The following PLEKHA5 variants were observed in gnomAD, a reference collection of about 807,000 sequenced individuals.
The protein encoded by PLEKHA5 is pleckstrin homology domain containing A5, also known as pleckstrin homology domain-containing family A member 5.
Under a neutral mutation model 181.9 loss-of-function variants are expected in PLEKHA5, and 55 were observed. That is an observed-to-expected ratio of 0.30 (90% CI 0.24 to 0.38). The LOEUF (loss-of-function observed/expected upper bound fraction) is 0.38, where lower values mean the gene tolerates loss of function less well. Ranked by LOEUF, PLEKHA5 falls within the 10% of genes least tolerant of loss-of-function variation. PLEKHA5 has a pLI of 1.00. For synonymous variants in PLEKHA5, 535 were observed against 529.4 expected (o/e 1.01, Z -0.15); for missense variants, 1,432 against 1,549.5 (o/e 0.92, Z 1.27).
At position 19,290,970 on chromosome 12, in the gene PLEKHA5, C is replaced by G. The variant is rs1044058462; in HGVS notation, c.1983+174C>G. Among the ~76,000 whole-genome samples, 61 of 152,178 alleles carry G rather than the reference C, an allele frequency of 4.0e-4. 1 individual carries two copies. Among genetic ancestry groups the G allele is most frequent in the Admixed American group, 3.9e-3 (60 of 15,278 alleles). On this transcript the variant is annotated intron_variant, in intron 14 of 31. Transcript: ENST00000429027. ...GAGAATTCAACTTATTTATACATTA[C>G]TGAAAGAAAATACAGGTAGGGTGCA...
At chr12:19,214,046 A>G (rs2057472720) in intron 3 of PLEKHA5, among the ~76,000 whole-genome samples, 2 of 152,230 alleles carry the variant, frequency 1.3e-5, no homozygotes, top group African/African-American at 2.4e-5. Context: ...ATTGTTATTG[A>G]ATGATAAGGT....
At position 19,322,615 on chromosome 12, in the gene PLEKHA5, A is replaced by C; in HGVS notation, c.2396A>C (p.Asp799Ala). Residue 799 changes from aspartate to alanine, a missense_variant, in exon 20 of 32, where the codon GAT (aspartate) becomes GCT (alanine). Transcript: ENST00000429027. ...CAGACAGTGGTGTTACAAAGGGATG[A>C]TTTACAAAATGGACTGCTTAGTACG... ...AIQTVVLQRD[D>A]LQNGLLSTCR... 6.2e-7 allele frequency: 1 copy of C among 1,613,950 alleles called. No homozygotes were observed. Among genetic ancestry groups the C allele is most frequent in the Non-Finnish European group, 8.5e-7 (1 of 1,179,854 alleles).
At position 19,319,937 on chromosome 12, in the gene PLEKHA5, T is replaced by A. The variant is rs532048214; in HGVS notation, c.2119-84T>A. On this transcript the variant is annotated intron_variant, in intron 16 of 31. Transcript: ENST00000429027. Reference sequence around the variant, plus strand: ...ATGAAATTTGACTATCCATAGTTTATAACATAGGCTTTCAGTTTTATAAGA... The same window carrying A: ...ATGAAATTTGACTATCCATAGTTTAAAACATAGGCTTTCAGTTTTATAAGA... The A allele has an allele frequency of 9.5e-5, 82 of 863,768 alleles. No individual in the cohort carries two copies. The South Asian group carries it at 1.2e-3, about 13-fold the overall frequency. The allele number at this position is 863,768 out of a possible 1,614,324, so 53.5% of individuals were successfully genotyped here. A position where few individuals can be genotyped will look rare whatever the true frequency, so the allele number is the denominator to read the frequency against.
chr12:19,246,461 A>G (rs1034554832), intron 3 of PLEKHA5, among the ~76,000 whole-genome samples: 1 of 151,726 alleles, frequency 6.6e-6, no homozygotes, highest in African/African-American at 2.4e-5. Flanking sequence ...CATCTCTACT[A>G]AAAATACAAA....
intron 25 of PLEKHA5, among the ~76,000 whole-genome samples, 163 bp downstream of exon 25, chr12:19,348,682 A>G (rs2153209623): frequency 6.6e-6 from 1 of 152,348 alleles, no homozygotes; most frequent in South Asian, 2.1e-4. Flanking sequence ...AAATTTTCAG[A>G]TATTAAAAGA....
chr12:19,340,495 T>G (rs1334481281), intron 21 of PLEKHA5, among the ~76,000 whole-genome samples: 2 of 142,334 alleles, frequency 1.4e-5, no homozygotes, highest in East Asian at 2.0e-4. Context: ...ACAATGGCGG[T>G]TTTGTGGAAT....
At chr12:19,356,832 T>A (rs938623099) in intron 26 of PLEKHA5, among the ~76,000 whole-genome samples, 2 of 151,968 alleles carry the variant, frequency 1.3e-5, no homozygotes, top group Admixed American at 1.3e-4. Flanking sequence ...AGCTAATTTC[T>A]GTATTTTTAG....
chr12:19,240,980 A>T (rs1176919076), intron 3 of PLEKHA5, among the ~76,000 whole-genome samples: 5 of 152,150 alleles, frequency 3.3e-5, no homozygotes, highest in East Asian at 3.9e-4. Context: ...TGGCTTTATA[A>T]GTGCTTTTTC....
rs765643587 is a variant in PLEKHA5, at chr12:19,274,669, T to C, written c.999T>C (p.Tyr333=). ...EEKKALEAEK[Y]GFQKDGQDRP... is the part of the protein sequence containing the mutation. ...AAAAGGCATTAGAAGCTGAAAAATATGGATTTCAGAAGGATGGTCAAGATA... is the reference window on the plus strand; with the variant it reads ...AAAAGGCATTAGAAGCTGAAAAATACGGATTTCAGAAGGATGGTCAAGATA... Residue 333 remains tyrosine (Y), a synonymous_variant, in exon 11 of 32, where the codon TAT becomes TAC. Coordinates refer to ENST00000429027, the MANE Select transcript of PLEKHA5 (RefSeq NM_001256470.2). 1.1e-5 allele frequency: 17 copies of C among 1,614,086 alleles called. No individual in the cohort carries two copies. The highest frequency in any genetic ancestry group is 2.2e-5 in the East Asian group (1 of 44,884).
intron 6 of PLEKHA5, 124 bp downstream of exon 6, chr12:19,257,661 G>A: frequency 1.6e-6 from 1 of 616,020 alleles, no homozygotes; most frequent in Non-Finnish European, 2.8e-6. Context: ...AGCCACCCAG[G>A]TTATTTGACT....
At chr12:19,349,343 G>A (rs916443760) in intron 25 of PLEKHA5, among the ~76,000 whole-genome samples, 3 of 152,014 alleles carry the variant, frequency 2.0e-5, no homozygotes, top group African/African-American at 7.2e-5. Context: ...CTTGAACTCT[G>A]GGGATCAAGC....
intron 31 of PLEKHA5, among the ~76,000 whole-genome samples, chr12:19,374,582 C>G (rs1465237218): frequency 6.6e-6 from 1 of 151,760 alleles, no homozygotes; most frequent in Non-Finnish European, 1.5e-5. Flanking sequence ...TCACTTGAAC[C>G]CGGGAGGTGG....
At position 19,369,346 on chromosome 12, in the gene PLEKHA5, A is replaced by T. The variant is rs953046942; in HGVS notation, c.3755-347A>T. Among the ~76,000 whole-genome samples the T allele has an allele frequency of 6.7e-4, 101 of 151,028 alleles. 1 individual carries two copies. The East Asian group carries it at 0.016, about 24-fold the overall frequency. On this transcript the variant is annotated intron_variant, in intron 30 of 31. Transcript: ENST00000429027. ...CACCACGCCCAGCCAAAAAAAAAAAAATTTTTAAGTAGTTGTCAGGAAATA... is the reference window on the plus strand; with the variant it reads ...CACCACGCCCAGCCAAAAAAAAAAATATTTTTAAGTAGTTGTCAGGAAATA...
chr12:19,338,480 A>T (rs1292221132), intron 21 of PLEKHA5, among the ~76,000 whole-genome samples: 4 of 151,968 alleles, frequency 2.6e-5, no homozygotes, highest in Non-Finnish European at 5.9e-5. Flanking sequence ...TTAGCTGGGC[A>T]CTTGTGGTCC....
At chr12:19,343,603 G>C (rs2094106891) in intron 22 of PLEKHA5, among the ~76,000 whole-genome samples, 169 bp downstream of exon 22, 1 of 152,100 alleles carries the variant, frequency 6.6e-6, no homozygotes, top group Admixed American at 6.6e-5. Flanking sequence ...TAGGCTATGT[G>C]GTATATAGCT....
chr12:19,213,778 G>A (rs541753788), intron 3 of PLEKHA5, among the ~76,000 whole-genome samples: 10 of 152,276 alleles, frequency 6.6e-5, no homozygotes, highest in African/African-American at 2.4e-4. Flanking sequence ...GGGATGGCAG[G>A]TAGCGAATGT....
At chr12:19,291,257 A>G (rs538169221) in intron 14 of PLEKHA5, among the ~76,000 whole-genome samples, 13 of 152,358 alleles carry the variant, frequency 8.5e-5, no homozygotes, top group South Asian at 2.1e-4. Flanking sequence ...AATGAAAAGA[A>G]CGAACACATA....
chr12:19,325,426 A>G (rs577573356), intron 20 of PLEKHA5, among the ~76,000 whole-genome samples: 1 of 152,190 alleles, frequency 6.6e-6, no homozygotes, highest in Admixed American at 6.5e-5. Context: ...ATGGTGGCTC[A>G]CGCCTGTAAT....
intron 15 of PLEKHA5, among the ~76,000 whole-genome samples, chr12:19,292,165 G>A (rs1285069918): frequency 6.6e-6 from 1 of 152,214 alleles, no homozygotes; most frequent in Non-Finnish European, 1.5e-5. Flanking sequence ...CAGCACTTTG[G>A]GAGGCTGAGG....
Sources: allele counts gnomAD v4.1 joint callset (sites outside exome capture counted in the v4.1 genomes callset), GRCh38; gene constraint gnomAD v4.1.1; transcripts MANE v1.5; gene names NCBI Gene and HGNC (gene_info 2026-07-23, HGNC 2026-07-21).